Variants in SLC25A48 observed in about 807,000 individuals in gnomAD.
SLC25A48 encodes the protein CTC-321K16.1.
Under a neutral mutation model 32.2 loss-of-function variants are expected in SLC25A48, and 29 were observed. The observed-to-expected ratio is 0.90, with a 90% CI of 0.67 to 1.23. SLC25A48 has a LOEUF of 1.23. Among genes scored for constraint, SLC25A48 ranks in the 50% most tolerant of loss-of-function variants. The probability of loss-of-function intolerance (pLI) is 0.00; values close to 1 mark genes in which losing one functional copy is unlikely to be tolerated. For synonymous variants in SLC25A48, 164 were observed against 172.3 expected, an observed-to-expected ratio of 0.95 and a Z score of 0.38; for missense variants, 399 against 422.7, an observed-to-expected ratio of 0.94 and a Z score of 0.49.
chr5:135,606,843 C>T (rs1295916277), intron 1 of SLC25A48, among the ~76,000 whole-genome samples: 3 of 152,304 alleles, frequency 2.0e-5, no homozygotes, highest in African/African-American at 7.2e-5. Flanking sequence ...CTGCTTTGAA[C>T]GTGTATTTGA....
chr5:135,789,632 G>A (rs553251550), intron 3 of SLC25A48, among the ~76,000 whole-genome samples: 5 of 151,444 alleles, frequency 3.3e-5, no homozygotes, highest in South Asian at 2.1e-4. Context: ...GTGGCGGGGG[G>A]TGTACAGCCT....
chr5:135,753,175 T>C (rs1165130050), intron 3 of SLC25A48, among the ~76,000 whole-genome samples: 2 of 152,064 alleles, frequency 1.3e-5, no homozygotes, highest in African/African-American at 4.8e-5. Context: ...ATATTAGCAG[T>C]AATGTCTTGA....
At chr5:135,849,562 C>T (rs1034851517) in intron 2 of SLC25A48, among the ~76,000 whole-genome samples, 1 of 152,122 alleles carries the variant, frequency 6.6e-6, no homozygotes, top group Non-Finnish European at 1.5e-5. Context: ...TGCAAAGGGG[C>T]CACTATGCCA....
intron 1 of SLC25A48, among the ~76,000 whole-genome samples, chr5:135,616,627 A>G (rs1476202416): frequency 3.3e-5 from 5 of 152,164 alleles, no homozygotes; most frequent in African/African-American, 1.2e-4. Context: ...AGGCTCATAG[A>G]CAGAAGGGAC....
At chr5:135,733,371 C>T (rs1172592142) in intron 3 of SLC25A48, among the ~76,000 whole-genome samples, 1 of 152,006 alleles carries the variant, frequency 6.6e-6, no homozygotes. Flanking sequence ...TCATGGGGGT[C>T]AGGTGTGGTA....
At chr5:135,623,102 C>T (rs992552541) in intron 1 of SLC25A48, among the ~76,000 whole-genome samples, 2 of 152,230 alleles carry the variant, frequency 1.3e-5, no homozygotes, top group African/African-American at 4.8e-5. Context: ...TGTTAGCTAC[C>T]TATAAACATG....
chr5:135,772,106 C>A (rs965070225), intron 3 of SLC25A48, among the ~76,000 whole-genome samples: 13 of 150,722 alleles, frequency 8.6e-5, no homozygotes, highest in African/African-American at 3.2e-4. Flanking sequence ...TTCATAATAT[C>A]CAGAGGGAGA....
At chr5:135,699,699 A>C (rs145516242) in intron 3 of SLC25A48, among the ~76,000 whole-genome samples, 1 of 152,388 alleles carries the variant, frequency 6.6e-6, no homozygotes, top group Non-Finnish European at 1.5e-5. Flanking sequence ...GGTAATAGCC[A>C]GCATGGACTG....
rs1160812798 is a variant in SLC25A48 at position 135,888,430 on chromosome 5, C to CAAGTAA, written c.*406_*407insAAGTAA. ...CTCCCTCCAGTCTCAAGTAACACGT[C>CAAGTAA]CCCGTGCCTCCAGTCTCCTCTCAGC... On this transcript the variant is annotated 3_prime_UTR_variant, in exon 8 of 8. Transcript: ENST00000681962. The CAAGTAA allele has an allele frequency of 1.9e-4, 43 of 231,410 alleles. No homozygotes were observed. Among genetic ancestry groups the CAAGTAA allele is most frequent in the African/African-American group, 9.3e-4 (42 of 45,330 alleles). The allele number at this position is 231,410 out of a possible 1,614,324, so 14.3% of individuals were successfully genotyped here. A position where few individuals can be genotyped will look rare whatever the true frequency, so the allele number is the denominator to read the frequency against.
intron 3 of SLC25A48, among the ~76,000 whole-genome samples, chr5:135,690,672 C>T (rs1754123328): frequency 6.6e-6 from 1 of 152,218 alleles, no homozygotes; most frequent in Admixed American, 6.5e-5. Context: ...CCCGCCCCTC[C>T]CCATGAGAGG....
chr5:135,688,084 A>C, intron 3 of SLC25A48, among the ~76,000 whole-genome samples: 1 of 39,578 alleles, frequency 2.5e-5, no homozygotes, highest in Admixed American at 2.0e-4. Flanking sequence ...TGTCTGTGTG[A>C]TTTTCACTAC....
At chr5:135,697,244 G>C (rs1038993562) in intron 3 of SLC25A48, among the ~76,000 whole-genome samples, 3 of 152,168 alleles carry the variant, frequency 2.0e-5, no homozygotes, top group African/African-American at 7.2e-5. Context: ...GATTAACCCT[G>C]AGTGTCACGG....
chr5:135,842,523 C>A, intron 2 of SLC25A48, 64 bp downstream of exon 2: 1 of 1,463,492 alleles, frequency 6.8e-7, no homozygotes, highest in Non-Finnish European at 9.6e-7. Context: ...GCCTCTGGGA[C>A]TATTCCTGCT....
In SLC25A48 at chr5:135,852,634, G is replaced by T. The variant is rs773220500; in HGVS notation, c.234G>T (p.Gly78=). 5.0e-6 allele frequency: 8 copies of T among 1,613,496 alleles called. No individual in the cohort carries two copies. The highest frequency in any genetic ancestry group is 5.9e-6 in the Non-Finnish European group (7 of 1,179,570). ...SIAVYNSVVF[G]VFSNTQRFLS... ...CCGTCTACAACTCCGTGGTGTTTGG[G>T]GTCTTCAGTAACACGCAGCGGTTCC... Residue 78 remains glycine (G), a synonymous_variant, in exon 4 of 8, where the codon GGG becomes GGT. Transcript: ENST00000681962.
chr5:135,813,324 G>A (rs919303054), intron 4 of SLC25A48, among the ~76,000 whole-genome samples: 1 of 152,204 alleles, frequency 6.6e-6, no homozygotes, highest in Admixed American at 6.5e-5. Flanking sequence ...GTTGAAAGTT[G>A]GGACCAGCTG....
intron 3 of SLC25A48, among the ~76,000 whole-genome samples, chr5:135,783,755 A>G (rs1341554676): frequency 8.4e-6 from 1 of 119,144 alleles, no homozygotes; most frequent in African/African-American, 2.6e-5. Flanking sequence ...GGAGGATAAT[A>G]TTGCTTTCAA....
chr5:135,788,348 TG>T (rs1246867563), intron 3 of SLC25A48, among the ~76,000 whole-genome samples: 6 of 132,918 alleles, frequency 4.5e-5, no homozygotes, highest in Non-Finnish European at 6.6e-5. Context: ...CCCCATGGGT[TG>T]GGGGGTGTAC....
chr5:135,796,632 C>G (rs1261146509), intron 3 of SLC25A48, among the ~76,000 whole-genome samples: 1 of 151,312 alleles, frequency 6.6e-6, no homozygotes, highest in Non-Finnish European at 1.5e-5. Context: ...TTCGTAATAT[C>G]CAGAGGGGGA....
At chr5:135,786,194 G>T (rs927069239) in intron 3 of SLC25A48, among the ~76,000 whole-genome samples, 4 of 152,030 alleles carry the variant, frequency 2.6e-5, no homozygotes, top group Admixed American at 2.6e-4. Flanking sequence ...TCCCCATGGG[G>T]CAGGGGTGTA....
Sources: gnomAD v4.1 joint callset for allele counts (sites outside exome capture counted in the v4.1 genomes callset) on GRCh38, gnomAD v4.1.1 for gene constraint, MANE v1.5 for transcripts, NCBI Gene and HGNC (gene_info 2026-07-23, HGNC 2026-07-21) for gene names.